The following ANGEL2 variants were observed in gnomAD, a reference collection of about 807,000 sequenced individuals.
The protein encoded by ANGEL2 is angel homolog 2.
Under a neutral mutation model 66.0 loss-of-function variants are expected in ANGEL2, and 41 were observed. The ratio of observed to expected loss-of-function variants is 0.62; its 90% confidence interval spans 0.48 to 0.81. The LOEUF is 0.81. ANGEL2 is among the 30% of genes least tolerant of loss of function. The pLI, the probability that ANGEL2 is intolerant of heterozygous loss-of-function variation, is 0.00. For synonymous variants in ANGEL2, 208 were observed against 226.5 expected (o/e 0.92, Z 0.73); for missense variants, 561 against 641.6 (o/e 0.87, Z 1.36).
chr1:213,005,070 T>G lies in ANGEL2; in HGVS notation c.1097A>C (p.Glu366Ala). The G allele has an allele frequency of 6.3e-7, 1 of 1,583,438 alleles. No individual in the cohort carries two copies. Among genetic ancestry groups the G allele is most frequent in the Non-Finnish European group, 8.6e-7 (1 of 1,168,326 alleles). Residue 366 changes from glutamate (E) to alanine (A), a missense_variant, in exon 5 of 9, where the codon GAA (glutamate) becomes GCA (alanine). Physicochemically the swap from Glu to Ala is moderately radical, Grantham distance 107. Coordinates refer to ENST00000366962, the MANE Select transcript of ANGEL2 (RefSeq NM_144567.5). The stretch of plus-strand genomic sequence containing the variant: ...AAGTCCTTCATAATTCAATTTTCCT[T>G]CCTTTATGAAACTATATAGTGGAGA... ...PGSPLYSFIK[E>A]GKLNYEGLPI...
intron 2 of ANGEL2, among the ~76,000 whole-genome samples, chr1:213,010,005 C>T (rs1195869505): frequency 7.4e-5 from 11 of 148,436 alleles, no homozygotes; most frequent in African/African-American, 2.7e-4. Flanking sequence ...GAGCCGAGAT[C>T]GCGCCATTGC....
At chr1:212,998,068 C>T (rs2076073773) in intron 7 of ANGEL2, among the ~76,000 whole-genome samples, 1 of 152,074 alleles carries the variant, frequency 6.6e-6, no homozygotes, top group African/African-American at 2.4e-5. Context: ...TTATTAGCAA[C>T]TTTTTATGTC....
rs1181828751 is a variant in ANGEL2 at position 213,015,826 on chromosome 1, G to T, written c.-155C>A. On this transcript the variant is annotated 5_prime_UTR_variant, in exon 1 of 9. Transcript: ENST00000366962. ...GCATGCTGGGAGGTGCAGTCTCGCCGGCCGGCCTACACTCCATCTTGCGCA... is the reference window on the plus strand; with the variant it reads ...GCATGCTGGGAGGTGCAGTCTCGCCTGCCGGCCTACACTCCATCTTGCGCA... The T allele has an allele frequency of 4.2e-6, 4 of 947,110 alleles. No homozygotes were observed. Among genetic ancestry groups the T allele is most frequent in the African/African-American group, 1.6e-5 (1 of 61,566 alleles). 58.7% of individuals were successfully genotyped at this position (947,110 alleles called of 1,614,324 possible).
intron 4 of ANGEL2, among the ~76,000 whole-genome samples, chr1:213,005,715 T>C (rs901612361): frequency 2.6e-5 from 4 of 152,192 alleles, no homozygotes; most frequent in African/African-American, 9.7e-5. Flanking sequence ...GTCATGGCAA[T>C]AGTAAAGCTT....
chr1:213,005,703 TA>T (rs2076306643), intron 4 of ANGEL2, among the ~76,000 whole-genome samples: 1 of 152,112 alleles, frequency 6.6e-6, no homozygotes, highest in African/African-American at 2.4e-5. Flanking sequence ...TAGTAAAACT[TA>T]GTCATGGCAA....
chr1:213,006,761 C>T (rs1214836821), intron 4 of ANGEL2: 1 of 191,546 alleles, frequency 5.2e-6, no homozygotes, highest in Non-Finnish European at 1.1e-5. Flanking sequence ...TACACCAACA[C>T]AAAAGTTTCC....
At chr1:213,009,855 A>G (rs1486079787) in intron 2 of ANGEL2, among the ~76,000 whole-genome samples, 1 of 151,918 alleles carries the variant, frequency 6.6e-6, no homozygotes, top group Non-Finnish European at 1.5e-5. Flanking sequence ...GTTCGAGACC[A>G]GCCTGGCCAA....
At position 213,000,930 on chromosome 1, in the gene ANGEL2, A is replaced by T. The variant is rs1246822477; in HGVS notation, c.1135-18T>A. 4 of 1,600,326 alleles carry T rather than the reference A, an allele frequency of 2.5e-6. No homozygotes were observed. The highest frequency in any genetic ancestry group is 8.5e-7 in the Non-Finnish European group (1 of 1,177,152). On this transcript the variant is annotated intron_variant, in intron 5 of 8. Coordinates refer to ENST00000366962, the MANE Select transcript of ANGEL2 (RefSeq NM_144567.5). ...CCAGATACCTAAACAAAATTTCAAC[A>T]GGTATCTTAAGTGAAAAGATTTTAA...
At chr1:213,000,438 C>T (rs1220933638) in intron 6 of ANGEL2, 55 bp from the exon 7 acceptor site, 9 of 1,420,616 alleles carry the variant, frequency 6.3e-6, no homozygotes, top group South Asian at 4.8e-5. Context: ...GCCTTAATAT[C>T]GTCATCTTAC....
In ANGEL2 at chr1:212,993,564, A is replaced by G. The variant is rs1364556482; in HGVS notation, c.*1477T>C. On this transcript the variant is annotated 3_prime_UTR_variant, in exon 9 of 9. Transcript: ENST00000366962. Reference sequence around the variant, plus strand: ...AACATTTACAATTCAGTGTAAAATTACTACTTAGTAAAAATGCATATAATT... The same window carrying G: ...AACATTTACAATTCAGTGTAAAATTGCTACTTAGTAAAAATGCATATAATT... 6.6e-6 allele frequency: 1 copy of G among 152,200 alleles called. No individual in the cohort carries two copies. The highest frequency in any genetic ancestry group is 1.5e-5 in the Non-Finnish European group (1 of 68,018). 9.4% of individuals were successfully genotyped at this position (152,200 alleles called of 1,614,324 possible). A position where few individuals can be genotyped will look rare whatever the true frequency, so the allele number is the denominator to read the frequency against.
intron 2 of ANGEL2, among the ~76,000 whole-genome samples, chr1:213,009,244 C>T (rs2076430225): frequency 6.6e-6 from 1 of 152,156 alleles, no homozygotes; most frequent in Admixed American, 6.5e-5. Flanking sequence ...CATAGGCAGT[C>T]CCTGACTTAG....
At chr1:213,012,484 C>T (rs984581812) in intron 2 of ANGEL2, among the ~76,000 whole-genome samples, 2 of 152,158 alleles carry the variant, frequency 1.3e-5, no homozygotes, top group African/African-American at 2.4e-5. Context: ...TAAATTAACA[C>T]ATTTTAAAAA....
intron 5 of ANGEL2, among the ~76,000 whole-genome samples, chr1:213,002,929 A>G (rs1448024567): frequency 6.6e-6 from 1 of 152,018 alleles, no homozygotes; most frequent in African/African-American, 2.4e-5. Context: ...AAAAAAAAAA[A>G]AAAAAAATCT....
At chr1:212,998,871 C>G (rs2076100535) in intron 7 of ANGEL2, among the ~76,000 whole-genome samples, 1 of 149,344 alleles carries the variant, frequency 6.7e-6, no homozygotes. Context: ...AGTAAGGTAT[C>G]TATTTTTTAA....
chr1:212,997,261 A>C lies in ANGEL2; in HGVS notation c.1377T>G (p.Phe459Leu). ...FSLSSVYSHY[F>L]PDTGIPEVTT... is the part of the protein sequence containing the mutation. ...TCACTTCTGGAATTCCAGTGTCAGG[A>C]AAGTAATGTGAATAAACAGATGACA... The change falls in exon 8 of 9, where the codon TTT (phenylalanine) becomes TTG (leucine). Residue 459 changes from phenylalanine to leucine, a missense_variant. Coordinates refer to ENST00000366962, the MANE Select transcript of ANGEL2 (RefSeq NM_144567.5). 1 of 1,613,704 alleles carries C rather than the reference A, an allele frequency of 6.2e-7. No individual in the cohort carries two copies. The highest frequency in any genetic ancestry group is 1.1e-5 in the South Asian group (1 of 91,068).
Position 213,009,966 on chromosome 1 carries a change from G to A in ANGEL2, c.386-1500C>T, listed in dbSNP as rs561129862. Among the ~76,000 whole-genome samples the A allele has an allele frequency of 5.3e-5, 8 of 150,742 alleles. 1 individual carries two copies. Among genetic ancestry groups the A allele is most frequent in the East Asian group, 2.0e-4 (1 of 5,092 alleles). On this transcript the variant is annotated intron_variant, in intron 2 of 8. Coordinates refer to ENST00000366962, the MANE Select transcript of ANGEL2 (RefSeq NM_144567.5). ...CTCAGGAGGCTGAAGCCAGAGAATC[G>A]CTGTAACCCGGGAAGCAGAGGTTGC...
intron 2 of ANGEL2, among the ~76,000 whole-genome samples, chr1:213,012,872 C>T (rs1416190046): frequency 6.6e-6 from 1 of 152,116 alleles, no homozygotes; most frequent in Non-Finnish European, 1.5e-5. Flanking sequence ...TATCTGTAGA[C>T]TCATTTCTAT....
intron 5 of ANGEL2, among the ~76,000 whole-genome samples, chr1:213,003,797 T>G (rs1463528822): frequency 6.6e-6 from 1 of 152,024 alleles, no homozygotes; most frequent in Non-Finnish European, 1.5e-5. Flanking sequence ...TAAGGTAGAG[T>G]TGCTATGAAA....
chr1:213,007,303 C>T, intron 3 of ANGEL2, 105 bp from the exon 4 acceptor site: 3 of 831,404 alleles, frequency 3.6e-6, no homozygotes, highest in South Asian at 4.2e-5. Context: ...AAATTCCACA[C>T]CTGATAAGAA....
Sources: gnomAD v4.1 joint callset for allele counts (sites outside exome capture counted in the v4.1 genomes callset) on GRCh38, gnomAD v4.1.1 for gene constraint, MANE v1.5 for transcripts, NCBI Gene and HGNC (gene_info 2026-07-23, HGNC 2026-07-21) for gene names.